The following TEX11 variants were observed in gnomAD, a reference collection of about 807,000 sequenced individuals.
TEX11 encodes the protein testis-expressed protein 11.
In TEX11, 7 loss-of-function variants were observed where a neutral mutation model predicts 84.4. That is an observed-to-expected ratio of 0.08 (90% CI 0.05 to 0.16). The LOEUF (loss-of-function observed/expected upper bound fraction) is 0.16. Among genes scored for constraint, TEX11 ranks in the 10% least tolerant of loss-of-function variants. The pLI, the probability that TEX11 is intolerant of heterozygous loss-of-function variation, is 1.00. For missense variants in TEX11, 551 were observed against 660.5 expected (o/e 0.83, Z 1.82); for synonymous variants, 264 against 222.8 (o/e 1.18, Z -1.64).
chrX:70,891,401 A>G (rs961498693), intron 2 of TEX11, among the ~76,000 whole-genome samples: 3 of 111,811 alleles, frequency 2.7e-5, no homozygotes, highest in African/African-American at 9.7e-5. Flanking sequence ...TGACAGAAGT[A>G]GACTTCAAAA....
chrX:70,761,606 A>G lies in TEX11; in HGVS notation c.693-17387T>C, dbSNP rs193281159. ...TGGGGAACATCACACAATAGCATTA[A>G]GAGAAATACCTAATGTAAATGACTA... is the stretch of plus-strand genomic sequence containing the variant. On this transcript the variant is annotated intron_variant, in intron 9 of 29. Coordinates refer to ENST00000374333, the MANE Select transcript of TEX11 (RefSeq NM_031276.3). 2.7e-5 allele frequency among the ~76,000 whole-genome samples: 3 copies of G among 111,607 alleles called. No homozygotes were observed. The East Asian group carries it at 8.4e-4, about 31-fold the overall frequency.
chrX:70,797,710 A>G (rs2091163605), intron 9 of TEX11, among the ~76,000 whole-genome samples: 1 of 107,182 alleles, frequency 9.3e-6, no homozygotes, highest in Non-Finnish European at 1.9e-5. Flanking sequence ...TATAAAAATC[A>G]ATAAATGTGA....
chrX:70,601,534 C>CTTTTTTTTTTTTTTTTT (rs1182961993), intron 24 of TEX11, among the ~76,000 whole-genome samples: 1 of 63,401 alleles, frequency 1.6e-5, no homozygotes, highest in Non-Finnish European at 2.7e-5. Context: ...CAGCATCATT[C>CTTTTTTTTTTTTTTTTT]TTTTTTTTTT....
At chrX:70,706,319 G>T (rs2090375330) in intron 13 of TEX11, among the ~76,000 whole-genome samples, 1 of 107,067 alleles carries the variant, frequency 9.3e-6, no homozygotes, top group Non-Finnish European at 1.9e-5. Flanking sequence ...GGGGTGGGAG[G>T]AGGGGGAGGG....
intron 16 of TEX11, among the ~76,000 whole-genome samples, chrX:70,655,087 G>T (rs1264350974): frequency 2.7e-5 from 3 of 110,239 alleles, no homozygotes; most frequent in African/African-American, 9.9e-5. Flanking sequence ...AATTTTGTAT[G>T]TATAAGTAGT....
intron 2 of TEX11, among the ~76,000 whole-genome samples, chrX:70,907,430 G>A (rs1602228911): frequency 9.2e-6 from 1 of 108,862 alleles, no homozygotes; most frequent in South Asian, 4.0e-4. Flanking sequence ...TTTTTGAGAC[G>A]GAGTCTCACT....
rs182813090 is a variant in TEX11, at chrX:70,771,749, G to C, written c.693-27530C>G. On this transcript the variant is annotated intron_variant, in intron 9 of 29. Transcript: ENST00000374333. The stretch of plus-strand genomic sequence containing the variant: ...TGTCTGGAACTCTTCCATTTTGACT[G>C]TTCCCTACATTTAATTTACCATAAC... Among the ~76,000 whole-genome samples the C allele has an allele frequency of 4.9e-4, 55 of 111,712 alleles. No individual in the cohort carries two copies. The Middle Eastern group carries it at 0.014, about 28-fold the overall frequency.
At chrX:70,641,806 A>G (rs1319596484) in intron 17 of TEX11, among the ~76,000 whole-genome samples, 1 of 110,878 alleles carries the variant, frequency 9.0e-6, no homozygotes, top group African/African-American at 3.3e-5. Flanking sequence ...AATGCCCACA[A>G]GAGAAAGCAG....
At chrX:70,730,415 G>A (rs948242211) in intron 11 of TEX11, among the ~76,000 whole-genome samples, 6 of 111,576 alleles carry the variant, frequency 5.4e-5, no homozygotes, top group East Asian at 5.6e-4. Flanking sequence ...CCCATCTCAC[G>A]TGCAGAGACA....
chrX:70,552,023 C>T, intron 28 of TEX11, 103 bp downstream of exon 28: 7 of 905,880 alleles, frequency 7.7e-6, no homozygotes, highest in Non-Finnish European at 1.0e-5. Flanking sequence ...TGAATTTATC[C>T]TAAAACTCAT....
At chrX:70,765,281 G>A (rs1320051823) in intron 9 of TEX11, among the ~76,000 whole-genome samples, 1 of 111,043 alleles carries the variant, frequency 9.0e-6, no homozygotes, top group Non-Finnish European at 1.9e-5. Flanking sequence ...AGCTACTCGG[G>A]TGGCTGAGGC....
intron 8 of TEX11, among the ~76,000 whole-genome samples, chrX:70,819,110 T>C (rs2147820246): frequency 8.9e-6 from 1 of 111,814 alleles, no homozygotes; most frequent in Non-Finnish European, 1.9e-5. Context: ...AGCATTACTC[T>C]GATACCAAAG....
At position 70,554,067 on chromosome X, in the gene TEX11, G is replaced by T. The variant is rs185168585; in HGVS notation, c.2290+584C>A. ...TAATATTTTTATTAACCACACACATGCTCCTGAAGAGGGTGAGAGATAAAA... is the reference window on the plus strand; with the variant it reads ...TAATATTTTTATTAACCACACACATTCTCCTGAAGAGGGTGAGAGATAAAA... On this transcript the variant is annotated intron_variant, in intron 26 of 29. Coordinates refer to ENST00000374333, the MANE Select transcript of TEX11 (RefSeq NM_031276.3). 4.0e-3 allele frequency among the ~76,000 whole-genome samples: 442 copies of T among 111,562 alleles called. 6 individuals are homozygous for T. Among genetic ancestry groups the T allele is most frequent in the African/African-American group, 0.014 (417 of 30,788 alleles).
chrX:70,804,542 C>G (rs1302656540), intron 9 of TEX11, among the ~76,000 whole-genome samples: 1 of 111,859 alleles, frequency 8.9e-6, no homozygotes, highest in Non-Finnish European at 1.9e-5. Context: ...TATGTAATTA[C>G]TAGGGCTAAA....
chrX:70,610,403 T>C, intron 21 of TEX11, 100 bp downstream of exon 21: 1 of 798,224 alleles, frequency 1.3e-6, no homozygotes, highest in Non-Finnish European at 1.8e-6. Context: ...GAAGCTTAAC[T>C]CAAACATAAG....
chrX:70,847,428 T>A (rs886622592), intron 7 of TEX11, among the ~76,000 whole-genome samples: 1 of 111,639 alleles, frequency 9.0e-6, no homozygotes, highest in African/African-American at 3.3e-5. Flanking sequence ...TCTGAAGCAC[T>A]GGCCACTGTT....
At chrX:70,662,460 A>G (rs1177089620) in intron 16 of TEX11, among the ~76,000 whole-genome samples, 1 of 111,681 alleles carries the variant, frequency 9.0e-6, no homozygotes, top group African/African-American at 3.3e-5. Flanking sequence ...TATCCAGGAG[A>G]ACTTCCCCAA....
intron 20 of TEX11, among the ~76,000 whole-genome samples, chrX:70,618,379 C>T (rs1040807717): frequency 2.7e-5 from 3 of 111,211 alleles, no homozygotes; most frequent in Admixed American, 9.5e-5. Flanking sequence ...TCCCTTGAGG[C>T]GGCCCCCTGG....
At chrX:70,784,773 T>C (rs919048046) in intron 9 of TEX11, among the ~76,000 whole-genome samples, 1 of 111,419 alleles carries the variant, frequency 9.0e-6, no homozygotes, top group Admixed American at 9.6e-5. Context: ...TTACAAGGGA[T>C]GTGAAGGACC....
Sources: gnomAD v4.1 joint callset for allele counts (sites outside exome capture counted in the v4.1 genomes callset) on GRCh38, gnomAD v4.1.1 for gene constraint, MANE v1.5 for transcripts, NCBI Gene and HGNC (gene_info 2026-07-23, HGNC 2026-07-21) for gene names.